TUB: variants seen among roughly 807,000 people sequenced by gnomAD.
TUB encodes the protein TUB bipartite transcription factor.
TUB carries 33 observed loss-of-function variants against 59.7 expected under a neutral mutation model. That is an observed-to-expected ratio of 0.55 (90% CI 0.42 to 0.74). TUB has a LOEUF of 0.74. Ranked by LOEUF, TUB falls within the 30% of genes least tolerant of loss-of-function variation. The probability of loss-of-function intolerance (pLI) is 0.00; values close to 1 mark genes in which losing one functional copy is unlikely to be tolerated. For synonymous variants in TUB, 293 were observed against 256.4 expected (o/e 1.14, Z -1.36); for missense variants, 659 against 672.0 (o/e 0.98, Z 0.21).
chr11:8,084,564 G>T (rs1006432240), intron 1 of TUB, among the ~76,000 whole-genome samples: 1 of 152,198 alleles, frequency 6.6e-6, no homozygotes, highest in African/African-American at 2.4e-5. Flanking sequence ...GGGTGGCCCC[G>T]TCCTCAGTGC....
chr11:8,081,634 C>T (rs982928904), intron 1 of TUB, 86 bp downstream of exon 1: 3 of 1,373,324 alleles, frequency 2.2e-6, no homozygotes, highest in African/African-American at 3.0e-5. Context: ...CGCAGGGCAC[C>T]GCTGCCCTCC....
intron 1 of TUB, among the ~76,000 whole-genome samples, chr11:8,021,165 A>C (rs1554919117): frequency 1.3e-5 from 2 of 152,222 alleles, no homozygotes; most frequent in Non-Finnish European, 1.5e-5. Context: ...TGTTGTGAGT[A>C]TTAAATGAGG....
At chr11:8,031,692 A>G (rs1287948894) in intron 1 of TUB, among the ~76,000 whole-genome samples, 1 of 152,180 alleles carries the variant, frequency 6.6e-6, no homozygotes, top group African/African-American at 2.4e-5. Flanking sequence ...GAGCCCAGGG[A>G]CCAGTCCGAG....
intron 2 of TUB, 107 bp from the exon 3 acceptor site, chr11:8,089,962 C>G (rs1363360886): frequency 7.0e-7 from 1 of 1,429,034 alleles, no homozygotes; most frequent in African/African-American, 1.4e-5. Context: ...GTTGGGGTGC[C>G]AAGGACATGG....
chr11:8,061,724 G>T (rs116436024), intron 2 of TUB, among the ~76,000 whole-genome samples: 4 of 152,078 alleles, frequency 2.6e-5, no homozygotes, highest in East Asian at 1.9e-4. Flanking sequence ...GCCCCTACCC[G>T]CTAAGAGATC....
upstream of TUB, chr11:8,076,244 C>A (rs1323345740): frequency 1.3e-5 from 2 of 152,164 alleles, no homozygotes; most frequent in African/African-American, 2.4e-5. Context: ...ACTCTTGCTG[C>A]TCTTTGGATT....
Position 8,094,149 on chromosome 11 carries a change from G to C in TUB, c.357G>C (p.Gln119His), listed in dbSNP as rs1271913520. The C allele has an allele frequency of 1.2e-6, 2 of 1,613,912 alleles. No homozygotes were observed. Among genetic ancestry groups the C allele is most frequent in the African/African-American group, 1.3e-5 (1 of 74,928 alleles). The change falls in exon 4 of 12, where the codon CAG becomes CAC. Residue 119 changes from glutamine (Q) to histidine (H), a missense_variant. By Grantham distance (24) the Gln-to-His change is conservative. Around this residue, in one of 3 missense-constraint regions of TUB, gnomAD observed 321 missense variants for 304.3 expected, o/e 1.05. Coordinates refer to ENST00000299506, the MANE Select transcript of TUB (RefSeq NM_177972.3). ...AGGCGGCAGCTACAGCAGGGGGCCA[G>C]GGTGGCGCCGCTAGGAAGGAGAAGA... is the stretch of plus-strand genomic sequence containing the variant. ...RTKAAATAGG[Q>H]GGAARKEKKG...
rs1326450867 is a variant in TUB, at chr11:8,101,902, G to A, written c.*283G>A. On this transcript the variant is annotated 3_prime_UTR_variant, in exon 12 of 12. Transcript: ENST00000299506. ...CCCACCCTTGGGGTAGTAGTGTGTT[G>A]TAGTCGTACTTACCAAGCTGAGCAA... The A allele has an allele frequency of 7.1e-6, 3 of 419,948 alleles. No homozygotes were observed. The highest frequency in any genetic ancestry group is 4.0e-5 in the African/African-American group (2 of 50,372). The allele number at this position is 419,948 out of a possible 1,614,324, so 26.0% of individuals were successfully genotyped here.
At chr11:8,084,656 G>A (rs1943633218) in intron 1 of TUB, among the ~76,000 whole-genome samples, 1 of 152,168 alleles carries the variant, frequency 6.6e-6, no homozygotes, top group Admixed American at 6.5e-5. Context: ...GAACTTATCT[G>A]GTTCCTGGTC....
At chr11:8,045,429 T>A (rs1942816710) in intron 2 of TUB, among the ~76,000 whole-genome samples, 2 of 152,246 alleles carry the variant, frequency 1.3e-5, no homozygotes, top group South Asian at 4.1e-4. Context: ...TTTGATTAGA[T>A]GATAAATGTT....
At chr11:8,026,524 C>A (rs963429139) in intron 1 of TUB, among the ~76,000 whole-genome samples, 1 of 149,282 alleles carries the variant, frequency 6.7e-6, no homozygotes, top group Non-Finnish European at 1.5e-5. Flanking sequence ...TTGAAAAAAA[C>A]CTTTCTTTTT....
chr11:8,090,787 G>A (rs751547574), intron 3 of TUB, among the ~76,000 whole-genome samples: 2 of 151,838 alleles, frequency 1.3e-5, no homozygotes, highest in Non-Finnish European at 2.9e-5. Context: ...GCCCAGTTGG[G>A]AGAAATTCTC....
intron 2 of TUB, among the ~76,000 whole-genome samples, chr11:8,072,119 G>C (rs911268707): frequency 6.6e-6 from 1 of 152,220 alleles, no homozygotes; most frequent in African/African-American, 2.4e-5. Flanking sequence ...GCTGTGATCG[G>C]ACCAGGAGTC....
At chr11:8,096,118 A>G (rs1476760437) in intron 5 of TUB, among the ~76,000 whole-genome samples, 1 of 152,178 alleles carries the variant, frequency 6.6e-6, no homozygotes, top group South Asian at 2.1e-4. Flanking sequence ...TGTACAAAGG[A>G]CTTTGAGACA....
chr11:8,019,694 G>A (rs1792108628), intron 1 of TUB, among the ~76,000 whole-genome samples: 2 of 152,046 alleles, frequency 1.3e-5, no homozygotes, highest in South Asian at 4.1e-4. Context: ...GGGGCGCCGG[G>A]AGGGGCGGGG....
intron 2 of TUB, among the ~76,000 whole-genome samples, chr11:8,059,635 C>T (rs763981761): frequency 5.1e-4 from 78 of 151,844 alleles, no homozygotes; most frequent in Non-Finnish European, 1.1e-3. Flanking sequence ...GGAGATCTGC[C>T]GGGAGTTTAG....
intron 1 of TUB, among the ~76,000 whole-genome samples, chr11:8,020,340 C>T (rs922582277): frequency 6.6e-6 from 1 of 152,136 alleles, no homozygotes; most frequent in Non-Finnish European, 1.5e-5. Flanking sequence ...TTCCTGTGCT[C>T]TCCTTCCCTT....
chr11:8,066,252 T>C (rs1026084184), intron 2 of TUB, among the ~76,000 whole-genome samples: 4 of 152,174 alleles, frequency 2.6e-5, no homozygotes, highest in African/African-American at 9.7e-5. Context: ...GAGGTTCCAC[T>C]TGGCACACAG....
Position 8,102,491 on chromosome 11 carries a change from C to A in TUB, c.*872C>A, listed in dbSNP as rs1482779873. On this transcript the variant is annotated 3_prime_UTR_variant, in exon 12 of 12. Coordinates refer to ENST00000299506, the MANE Select transcript of TUB (RefSeq NM_177972.3). Reference sequence around the variant, plus strand: ...GCAGCCCAGCACAACCCCCAGGAAACACAAATGGGGTCCAGGTCACCAGCC... The same window carrying A: ...GCAGCCCAGCACAACCCCCAGGAAAAACAAATGGGGTCCAGGTCACCAGCC... The A allele has an allele frequency of 1.3e-5, 2 of 152,280 alleles. No individual in the cohort carries two copies. Among genetic ancestry groups the A allele is most frequent in the African/African-American group, 4.8e-5 (2 of 41,452 alleles). The allele number at this position is 152,280 out of a possible 1,614,324, so 9.4% of individuals were successfully genotyped here. A position where few individuals can be genotyped will look rare whatever the true frequency, so the allele number is the denominator to read the frequency against.
Sources: allele counts gnomAD v4.1 joint callset (sites outside exome capture counted in the v4.1 genomes callset), GRCh38; gene constraint gnomAD v4.1.1; regional missense constraint gnomAD v4.1.1; transcripts MANE v1.5; gene names NCBI Gene and HGNC (gene_info 2026-07-23, HGNC 2026-07-21).